Variants in XRRA1 observed in about 807,000 individuals in gnomAD.
The protein encoded by XRRA1 is X-ray radiation resistance associated 1.
A neutral mutation model predicts 80.2 loss-of-function variants in XRRA1; 69 were observed. The ratio of observed to expected loss-of-function variants is 0.86; its 90% CI spans 0.71 to 1.05. The LOEUF is 1.05. Among genes scored for constraint, XRRA1 ranks in the 50% least tolerant of loss-of-function variants. The probability of loss-of-function intolerance (pLI) is 0.00; values close to 1 mark genes in which losing one functional copy is unlikely to be tolerated. For synonymous variants in XRRA1, 348 were observed against 389.9 expected (o/e 0.89, Z 1.27); for missense variants, 967 against 976.4 (o/e 0.99, Z 0.13).
chr11:74,883,690 G>C (rs2048312574), intron 10 of XRRA1, among the ~76,000 whole-genome samples: 1 of 152,308 alleles, frequency 6.6e-6, no homozygotes, highest in Non-Finnish European at 1.5e-5. Context: ...ATCAACTCCA[G>C]AAGGAGCCTT....
rs2042466951 is a variant in XRRA1 at position 74,862,279 on chromosome 11, T to C, written c.1044+702A>G. On this transcript the variant is annotated intron_variant, in intron 11 of 18. Coordinates refer to ENST00000684022, the MANE Select transcript of XRRA1 (RefSeq NM_001378157.1). ...CAGTGGAATCACTTCGTCGACTCAA[T>C]TGTGAGTGGTGAAAAATAATGAATT... Among the ~76,000 whole-genome samples the C allele has an allele frequency of 3.9e-5, 6 of 152,238 alleles. No homozygotes were observed. In the South Asian group the frequency reaches 1.2e-3, roughly 32 times the overall value.
At chr11:74,919,829 C>A in intron 8 of XRRA1, 1 of 418,110 alleles carries the variant, frequency 2.4e-6, no homozygotes, top group East Asian at 6.1e-5. Flanking sequence ...AGGAATGTCC[C>A]ATGCCGAATC....
rs1945159012 is a variant in XRRA1 at position 74,937,029 on chromosome 11, T to C, written c.134A>G (p.Lys45Arg). The part of the protein sequence containing the change: ...HWLVVQKGNL[K>R]KKPKGLVGAQ... ...TCCAACCAAACCCTTGGGCTTCTTC[T>C]TGAGGTTACCTTTCTGAACCACTAA... is the stretch of plus-strand genomic sequence containing the variant. The change falls in exon 4 of 19, where the codon AAG becomes AGG. Residue 45 changes from lysine to arginine, a missense_variant. Transcript: ENST00000684022. 1 of 1,613,814 alleles carries C rather than the reference T, an allele frequency of 6.2e-7. No individual in the cohort carries two copies. Among genetic ancestry groups the C allele is most frequent in the Non-Finnish European group, 8.5e-7 (1 of 1,179,884 alleles).
chr11:74,937,017 T>G lies in XRRA1; in HGVS notation c.146A>C (p.Lys49Thr), dbSNP rs200911624. The G allele has an allele frequency of 1.2e-6, 2 of 1,613,764 alleles. No individual in the cohort carries two copies. Among genetic ancestry groups the G allele is most frequent in the Admixed American group, 3.3e-5 (2 of 59,962 alleles). The change falls in exon 4 of 19, where the codon AAG (lysine) becomes ACG (threonine). Residue 49 changes from lysine to threonine, a missense_variant. Lys to Thr is a moderately conservative substitution (Grantham distance 78). Coordinates refer to ENST00000684022, the MANE Select transcript of XRRA1 (RefSeq NM_001378157.1). ...VQKGNLKKKP[K>T]GLVGAQAERR... ...TTCAGCTTGTGCTCCAACCAAACCC[T>G]TGGGCTTCTTCTTGAGGTTACCTTT...
intron 2 of XRRA1, among the ~76,000 whole-genome samples, chr11:74,943,012 G>T (rs1946651012): frequency 6.6e-6 from 1 of 152,192 alleles, no homozygotes; most frequent in Non-Finnish European, 1.5e-5. Context: ...GATGAGGGAG[G>T]GCAGGCTCCT....
intron 8 of XRRA1, among the ~76,000 whole-genome samples, chr11:74,909,170 G>C (rs1338300101): frequency 6.6e-6 from 1 of 152,164 alleles, no homozygotes; most frequent in Non-Finnish European, 1.5e-5. Flanking sequence ...TAAACTTTCA[G>C]AAAGAGACCT....
intron 14 of XRRA1, 98 bp downstream of exon 14, chr11:74,850,990 C>A (rs2039679505): frequency 2.6e-6 from 2 of 783,798 alleles, no homozygotes; most frequent in Admixed American, 3.2e-5. Context: ...AGATTCCAGG[C>A]ACTGTGGAGT....
chr11:74,874,965 C>T (rs1023394676), intron 10 of XRRA1, among the ~76,000 whole-genome samples: 1 of 152,216 alleles, frequency 6.6e-6, no homozygotes, highest in African/African-American at 2.4e-5. Flanking sequence ...AAGCATTCAA[C>T]TAGCTGAACT....
chr11:74,890,904 ATAAT>A (rs2050494444), intron 10 of XRRA1, among the ~76,000 whole-genome samples: 1 of 152,172 alleles, frequency 6.6e-6, no homozygotes, highest in Non-Finnish European at 1.5e-5. Context: ...AATTGAGACA[ATAAT>A]TAATAGCTTA....
At chr11:74,880,406 A>G (rs1182467107) in intron 10 of XRRA1, among the ~76,000 whole-genome samples, 1 of 151,602 alleles carries the variant, frequency 6.6e-6, no homozygotes, top group Non-Finnish European at 1.5e-5. Context: ...TCCTTTCAAA[A>G]AACCAGCTCC....
In XRRA1 at chr11:74,884,308, A is replaced by G. The variant is rs145888081; in HGVS notation, c.1004-21287T>C. ...TACCTGTGGGCCAGGCATGTCCAAC[A>G]TAGAGGCTCCATCTTCCCTTTTTTT... On this transcript the variant is annotated intron_variant, in intron 10 of 18. Coordinates refer to ENST00000684022, the MANE Select transcript of XRRA1 (RefSeq NM_001378157.1). 5.4e-3 allele frequency among the ~76,000 whole-genome samples: 830 copies of G among 152,338 alleles called. 10 individuals carry two copies. Among genetic ancestry groups the G allele is most frequent in the African/African-American group, 0.019 (791 of 41,578 alleles).
At chr11:74,921,148 T>C in intron 8 of XRRA1, 66 bp downstream of exon 8, 2 of 1,584,790 alleles carry the variant, frequency 1.3e-6, no homozygotes, top group Non-Finnish European at 1.7e-6. Flanking sequence ...TTCAAGCTGC[T>C]ATGGGCTATT....
At chr11:74,943,524 G>GTAGGAGGGGGT (rs1946788820) in intron 2 of XRRA1, among the ~76,000 whole-genome samples, 22 of 137,762 alleles carry the variant, frequency 1.6e-4, no homozygotes, top group African/African-American at 5.6e-4. Context: ...AGAGTAGGAG[G>GTAGGAGGGGGT]GTGTGTGTGT....
At chr11:74,890,026 G>C (rs907547382) in intron 10 of XRRA1, among the ~76,000 whole-genome samples, 1 of 152,150 alleles carries the variant, frequency 6.6e-6, no homozygotes. Flanking sequence ...TCCAGGAATT[G>C]AACTTAGCTC....
intron 10 of XRRA1, among the ~76,000 whole-genome samples, chr11:74,900,364 C>T (rs1211262608): frequency 6.6e-6 from 1 of 152,060 alleles, no homozygotes; most frequent in Non-Finnish European, 1.5e-5. Context: ...GGGCGGATCA[C>T]CTGAGGTCGG....
chr11:74,878,098 A>C, intron 10 of XRRA1, among the ~76,000 whole-genome samples: 1 of 151,042 alleles, frequency 6.6e-6, no homozygotes, highest in Admixed American at 6.6e-5. Context: ...AAGTGTTCCT[A>C]TTTCTCCACA....
intron 3 of XRRA1, among the ~76,000 whole-genome samples, chr11:74,939,351 C>CA (rs1418750339): frequency 3.3e-5 from 5 of 151,860 alleles, no homozygotes; most frequent in East Asian, 1.9e-4. Flanking sequence ...GACTCCATCT[C>CA]AAAAAAAGAA....
intron 1 of XRRA1, among the ~76,000 whole-genome samples, chr11:74,945,825 G>C (rs1947396520): frequency 6.6e-6 from 1 of 151,996 alleles, no homozygotes; most frequent in African/African-American, 2.4e-5. Flanking sequence ...CACAGAGTAA[G>C]GCATATTTTT....
Position 74,927,461 on chromosome 11 carries a change from T to A in XRRA1, c.452A>T (p.Lys151Met). 1.2e-6 allele frequency: 2 copies of A among 1,612,934 alleles called. No homozygotes were observed. Among genetic ancestry groups the A allele is most frequent in the Non-Finnish European group, 1.7e-6 (2 of 1,178,884 alleles). The change falls in exon 7 of 19, where the codon AAG (lysine) becomes ATG (methionine). Residue 151 changes from lysine (K) to methionine (M), a missense_variant. By Grantham distance (95) the Lys-to-Met change is moderately conservative. Transcript: ENST00000684022. ...LEAFHTFPAL[K>M]ELDLAFNGIK... ...GCCATTAAATGCGAGATCCAGTTCC[T>A]TTAGGGCTGGAAACGTGTGAAATGC...
Sources: allele counts gnomAD v4.1 joint callset (sites outside exome capture counted in the v4.1 genomes callset), GRCh38; gene constraint gnomAD v4.1.1; transcripts MANE v1.5; gene names NCBI Gene and HGNC (gene_info 2026-07-23, HGNC 2026-07-21).